DYM: variants seen among roughly 807,000 people sequenced by gnomAD.
DYM encodes the protein dymeclin, also known as dyggve-Melchior-Clausen syndrome protein.
DYM carries 78 observed loss-of-function variants against 93.1 expected under a neutral mutation model. The ratio of observed to expected loss-of-function variants is 0.84; its 90% confidence interval spans 0.70 to 1.01. DYM has a LOEUF of 1.01. Ranked by LOEUF, DYM falls within the 50% of genes least tolerant of loss-of-function variation. DYM has a pLI of 0.00. For synonymous variants in DYM, 321 were observed against 319.7 expected, an observed-to-expected ratio of 1.00 and a Z score of -0.04; for missense variants, 789 against 845.0, an observed-to-expected ratio of 0.93 and a Z score of 0.82.
At chr18:49,252,155 T>C (rs1047880268) in intron 13 of DYM, among the ~76,000 whole-genome samples, 1 of 130,226 alleles carries the variant, frequency 7.7e-6, no homozygotes, top group African/African-American at 3.0e-5. Context: ...GAGGTGGAGG[T>C]TGCAGTAAGC....
intron 2 of DYM, among the ~76,000 whole-genome samples, chr18:49,400,124 A>T (rs758022888): frequency 1.4e-4 from 21 of 151,490 alleles, no homozygotes; most frequent in Non-Finnish European, 2.1e-4. Flanking sequence ...AATTTTTAGT[A>T]GAGACGACGT....
At chr18:49,349,625 G>A (rs1857551782) in intron 6 of DYM, among the ~76,000 whole-genome samples, 1 of 152,128 alleles carries the variant, frequency 6.6e-6, no homozygotes, top group African/African-American at 2.4e-5. Flanking sequence ...AATATTAAGA[G>A]ATATTCAACT....
intron 6 of DYM, among the ~76,000 whole-genome samples, chr18:49,351,454 T>A (rs991010354): frequency 1.3e-5 from 2 of 152,002 alleles, no homozygotes; most frequent in Non-Finnish European, 2.9e-5. Context: ...AAACTGCCCA[T>A]AGTTGAAGAA....
intron 2 of DYM, among the ~76,000 whole-genome samples, chr18:49,395,161 C>T (rs1174074105): frequency 6.6e-6 from 1 of 152,046 alleles, no homozygotes; most frequent in Non-Finnish European, 1.5e-5. Flanking sequence ...AACTAAAAAG[C>T]TTCTGCACAG....
intron 13 of DYM, among the ~76,000 whole-genome samples, chr18:49,256,544 A>G (rs749782013): frequency 6.6e-6 from 1 of 152,206 alleles, no homozygotes; most frequent in African/African-American, 2.4e-5. Flanking sequence ...TCTAAACTAG[A>G]GAATTTTAAA....
intron 13 of DYM, among the ~76,000 whole-genome samples, chr18:49,254,325 T>TATATATATATATAC (rs1279388698): frequency 5.1e-4 from 71 of 138,440 alleles, no homozygotes; most frequent in African/African-American, 8.1e-4. Context: ...TATATATATA[T>TATATATATATATAC]ACACACATAG....
chr18:49,202,964 C>T (rs1224525939), intron 14 of DYM, among the ~76,000 whole-genome samples: 1 of 117,774 alleles, frequency 8.5e-6, no homozygotes, highest in Admixed American at 8.4e-5. Context: ...AGGGGTCAGC[C>T]CCCCCGCCCG....
At chr18:49,440,966 T>TA (rs369239881) in intron 1 of DYM, among the ~76,000 whole-genome samples, 133 of 512 alleles carry the variant, frequency 0.26, 55 homozygotes, top group Admixed American at 0.29. Flanking sequence ...ATATATTATA[T>TA]TTATATAATA....
At chr18:49,292,343 GACAGA>G (rs2060178483) in intron 8 of DYM, among the ~76,000 whole-genome samples, 1 of 95,070 alleles carries the variant, frequency 1.1e-5, no homozygotes, top group African/African-American at 4.2e-5. Context: ...CAGGCAGACA[GACAGA>G]CAGACAGACA....
intron 13 of DYM, among the ~76,000 whole-genome samples, chr18:49,250,800 T>G (rs1018228206): frequency 1.3e-5 from 2 of 152,234 alleles, no homozygotes; most frequent in Non-Finnish European, 2.9e-5. Context: ...TTATCTAGAT[T>G]CAGCGATATA....
At chr18:49,392,681 T>TTAAAAAA (rs1452175055) in intron 2 of DYM, among the ~76,000 whole-genome samples, 2 of 68,470 alleles carry the variant, frequency 2.9e-5, no homozygotes, top group Non-Finnish European at 4.9e-5. Context: ...GGCTTTTATT[T>TTAAAAAA]AAAAAAAAAA....
chr18:49,065,704 A>G (rs1376667877), intron 17 of DYM, among the ~76,000 whole-genome samples: 1 of 152,100 alleles, frequency 6.6e-6, no homozygotes, highest in South Asian at 2.1e-4. Context: ...AAAATCAAAT[A>G]TATTATTCAC....
intron 10 of DYM, among the ~76,000 whole-genome samples, chr18:49,277,484 C>T (rs986891034): frequency 2.0e-5 from 3 of 152,046 alleles, no homozygotes; most frequent in Admixed American, 6.6e-5. Flanking sequence ...ACGTTTGGGC[C>T]CCCAAAATTA....
chr18:49,095,754 A>G lies in DYM; in HGVS notation c.2025+1648T>C, dbSNP rs72642442. Among the ~76,000 whole-genome samples the G allele has an allele frequency of 3.5e-3, 528 of 152,324 alleles. 28 individuals carry two copies. In the East Asian group the frequency reaches 0.085, roughly 24 times the overall value. On this transcript the variant is annotated intron_variant, in intron 17 of 17. Transcript: ENST00000675505. ...CTGTCTCAAATATAAATGACATTTT[A>G]TTTTTGAATATAGTATAATAAATGA... is the stretch of plus-strand genomic sequence containing the variant.
At chr18:49,365,446 C>G (rs975331472) in intron 5 of DYM, among the ~76,000 whole-genome samples, 1 of 152,178 alleles carries the variant, frequency 6.6e-6, no homozygotes. Context: ...GTAAGTCACA[C>G]TTGTCTCTGG....
intron 1 of DYM, among the ~76,000 whole-genome samples, chr18:49,447,941 G>C (rs562718611): frequency 6.6e-6 from 1 of 152,266 alleles, no homozygotes; most frequent in South Asian, 2.1e-4. Context: ...GGTCTGGAGA[G>C]CACATGGCAT....
At chr18:49,337,523 G>T (rs2063762269) in intron 6 of DYM, among the ~76,000 whole-genome samples, 1 of 152,156 alleles carries the variant, frequency 6.6e-6, no homozygotes, top group African/African-American at 2.4e-5. Context: ...AACTATGTAT[G>T]GATAGAGCTG....
intron 5 of DYM, among the ~76,000 whole-genome samples, chr18:49,370,289 A>T (rs1238792145): frequency 6.7e-6 from 1 of 150,046 alleles, no homozygotes; most frequent in African/African-American, 2.5e-5. Context: ...AGAAAAAAAA[A>T]AAAAAAAAAA....
intron 8 of DYM, among the ~76,000 whole-genome samples, chr18:49,296,659 T>G (rs1010197046): frequency 6.6e-6 from 1 of 152,214 alleles, no homozygotes; most frequent in Non-Finnish European, 1.5e-5. Flanking sequence ...GTTGATGGAC[T>G]TTTTACTAAA....
Sources: allele counts gnomAD v4.1 joint callset (sites outside exome capture counted in the v4.1 genomes callset), GRCh38; gene constraint gnomAD v4.1.1; transcripts MANE v1.5; gene names NCBI Gene and HGNC (gene_info 2026-07-23, HGNC 2026-07-21).